Variants in HSPA12A observed in about 807,000 individuals in gnomAD.
The protein encoded by HSPA12A is heat shock 70 kDa protein 12A.
In HSPA12A, 28 loss-of-function variants were observed where a neutral mutation model predicts 69.2. The ratio of observed to expected loss-of-function variants is 0.40; its 90% CI spans 0.30 to 0.55. The LOEUF (loss-of-function observed/expected upper bound fraction) is 0.55, where lower values mean the gene tolerates loss of function less well. HSPA12A is among the 20% of genes least tolerant of loss of function. The pLI is 0.38. For synonymous variants in HSPA12A, 345 were observed against 370.5 expected, an observed-to-expected ratio of 0.93 and a Z score of 0.79; for missense variants, 686 against 900.7, an observed-to-expected ratio of 0.76 and a Z score of 3.05.
chr10:116,677,590 A>T (rs547006462), intron 10 of HSPA12A, among the ~76,000 whole-genome samples: 4 of 152,334 alleles, frequency 2.6e-5, no homozygotes, highest in Admixed American at 2.0e-4. Context: ...CAGCCCAGTA[A>T]GAGGGTCCAG....
upstream of HSPA12A, among the ~76,000 whole-genome samples, chr10:116,747,443 T>C (rs1564806976): frequency 6.6e-6 from 1 of 152,322 alleles, no homozygotes; most frequent in East Asian, 1.9e-4. Context: ...GCCGGTTCAT[T>C]AATAAGACGG....
Position 116,817,643 on chromosome 10 carries a change from G to A in HSPA12A, c.91+17292C>T, listed in dbSNP as rs79354233. Among the ~76,000 whole-genome samples, 1,503 of 152,212 alleles carry A rather than the reference G, an allele frequency of 9.9e-3. 21 individuals are homozygous for A. Among genetic ancestry groups the A allele is most frequent in the African/African-American group, 0.034 (1,396 of 41,520 alleles). On this transcript the variant is annotated intron_variant, in intron 2 of 12. Transcript: ENST00000635765. ...GGCTGCCAATAGAATGAAGAGAAGT[G>A]GAGAATCGCGGCCATTGTTAAAATA...
chr10:116,822,758 C>T (rs973905936), intron 2 of HSPA12A, among the ~76,000 whole-genome samples: 1 of 152,192 alleles, frequency 6.6e-6, no homozygotes, highest in Non-Finnish European at 1.5e-5. Flanking sequence ...ATGTTTATTG[C>T]ATTCGTGGAT....
intron 1 of HSPA12A, among the ~76,000 whole-genome samples, chr10:116,708,793 T>C (rs1850337126): frequency 6.6e-6 from 1 of 152,150 alleles, no homozygotes; most frequent in Admixed American, 6.5e-5. Context: ...TGAAAAGATG[T>C]TCAACATCAT....
Position 116,675,124 on chromosome 10 carries a change from C to T in HSPA12A, c.1685G>A (p.Arg562Gln), listed in dbSNP as rs782432616. 5.6e-6 allele frequency: 9 copies of T among 1,613,882 alleles called. No homozygotes were observed. The highest frequency in any genetic ancestry group is 2.7e-5 in the African/African-American group (2 of 74,928). Residue 562 changes from arginine to glutamine, a missense_variant, in exon 12 of 12, where the codon CGG (arginine) becomes CAG (glutamine). By Grantham distance (43) the Arg-to-Gln change is conservative (BLOSUM62 1). Coordinates refer to ENST00000369209, the MANE Select transcript of HSPA12A (RefSeq NM_025015.3). This position sits in a 1 kb window ranked among gnomAD's most constrained non-coding sequence, Gnocchi z 5.2. ...PEKLLVKDGTRWCTDVFDKFI... is the reference protein window; with the variant it reads ...PEKLLVKDGTQWCTDVFDKFI... ...CTTGTCAAAGACGTCGGTGCACCAC[C>T]GAGTGCCATCCTTCACCAGCAGCTT...
At chr10:116,766,062 C>T (rs1232422710) in intron 2 of HSPA12A, among the ~76,000 whole-genome samples, 1 of 152,228 alleles carries the variant, frequency 6.6e-6, no homozygotes, top group Non-Finnish European at 1.5e-5. Flanking sequence ...CACCATTCGG[C>T]CACATTCACC....
intron 6 of HSPA12A, among the ~76,000 whole-genome samples, chr10:116,688,780 A>G (rs1849651056): frequency 6.6e-6 from 1 of 152,192 alleles, no homozygotes; most frequent in South Asian, 2.1e-4. Flanking sequence ...TTTATTTAAC[A>G]CGTTTCCGGA....
chr10:116,845,217 T>C (rs1845860219), intron 1 of HSPA12A, among the ~76,000 whole-genome samples: 1 of 152,172 alleles, frequency 6.6e-6, no homozygotes, highest in Admixed American at 6.5e-5. Context: ...AAAATATAAA[T>C]GCCTCTAGAA....
At position 116,700,998 on chromosome 10, in the gene HSPA12A, T is replaced by C. The variant is rs1554881559; in HGVS notation, c.386A>G (p.Glu129Gly). ...RDFYHDLDPN[E>G]AKQWLYLEKF... ...CTCCAGGTACAGCCACTGCTTGGCC[T>C]CATTGGGATCCAGGTCATGGTAAAA... The change falls in exon 4 of 12, where the codon GAG becomes GGG. Residue 129 changes from glutamate to glycine, a missense_variant. Physicochemically the swap from Glu to Gly is moderately conservative, Grantham distance 98 (BLOSUM62 -2). Coordinates refer to ENST00000369209, the MANE Select transcript of HSPA12A (RefSeq NM_025015.3). 1 of 1,613,998 alleles carries C rather than the reference T, an allele frequency of 6.2e-7. No homozygotes were observed. The highest frequency in any genetic ancestry group is 8.5e-7 in the Non-Finnish European group (1 of 1,180,022).
chr10:116,807,540 G>A (rs1466041556), intron 2 of HSPA12A, among the ~76,000 whole-genome samples: 2 of 152,148 alleles, frequency 1.3e-5, no homozygotes, highest in Non-Finnish European at 2.9e-5. Flanking sequence ...ATGTAGCAAT[G>A]CTTCTATCTT....
At chr10:116,729,761 AT>A (rs1324891159) in intron 1 of HSPA12A, among the ~76,000 whole-genome samples, 1 of 152,236 alleles carries the variant, frequency 6.6e-6, no homozygotes, top group Admixed American at 6.5e-5. Flanking sequence ...GGCCAACTGT[AT>A]CTACATTTGT....
chr10:116,799,630 A>C (rs530983303), intron 2 of HSPA12A, among the ~76,000 whole-genome samples: 1 of 152,328 alleles, frequency 6.6e-6, no homozygotes, highest in East Asian at 1.9e-4. Flanking sequence ...AGCTTTTGGA[A>C]ATCTCAAAGC....
At chr10:116,707,818 T>G (rs1850305832) in intron 1 of HSPA12A, among the ~76,000 whole-genome samples, 1 of 152,112 alleles carries the variant, frequency 6.6e-6, no homozygotes, top group Admixed American at 6.5e-5. Flanking sequence ...GCCTAGCAGA[T>G]GCACCAGCTC....
chr10:116,779,826 C>T (rs1184142988), intron 2 of HSPA12A, among the ~76,000 whole-genome samples: 11 of 152,010 alleles, frequency 7.2e-5, no homozygotes, highest in African/African-American at 1.2e-4. Flanking sequence ...GCAGGGGGGA[C>T]GGGATTCCTA....
chr10:116,835,545 A>G (rs1215926699), intron 1 of HSPA12A, among the ~76,000 whole-genome samples: 1 of 152,114 alleles, frequency 6.6e-6, no homozygotes, highest in Non-Finnish European at 1.5e-5. Context: ...AGGGCTGTAG[A>G]TATTACAAAG....
chr10:116,725,208 G>C lies in HSPA12A; in HGVS notation c.40+17222C>G, dbSNP rs551658904. Among the ~76,000 whole-genome samples the C allele has an allele frequency of 1.1e-4, 16 of 152,282 alleles. No homozygotes were observed. The East Asian group carries it at 3.1e-3, about 29-fold the overall frequency. ...AGGGCCCAGGAGCTCCACTTGATGG[G>C]AATTGCTTCTGGCTTCAACACTTAA... On this transcript the variant is annotated intron_variant, in intron 1 of 11. Coordinates refer to ENST00000369209, the MANE Select transcript of HSPA12A (RefSeq NM_025015.3).
intron 1 of HSPA12A, among the ~76,000 whole-genome samples, chr10:116,838,347 G>A (rs1845752077): frequency 6.6e-6 from 1 of 152,220 alleles, no homozygotes; most frequent in African/African-American, 2.4e-5. Flanking sequence ...TGGTCCTCAG[G>A]CTGAGTGTCC....
chr10:116,792,163 C>G (rs1046559582), intron 2 of HSPA12A, among the ~76,000 whole-genome samples: 1 of 148,604 alleles, frequency 6.7e-6, no homozygotes, highest in Non-Finnish European at 1.5e-5. Context: ...TGGGAAGCCA[C>G]GTACATGCAT....
rs1554876596 is a variant in HSPA12A at position 116,671,387 on chromosome 10, C to CAA, written c.*3392_*3393dup. On this transcript the variant is annotated 3_prime_UTR_variant, in exon 12 of 12. Coordinates refer to ENST00000369209, the MANE Select transcript of HSPA12A (RefSeq NM_025015.3). ...ATGAGAGGTGTGGCATTATGGCCAA[C>CAA]AACTTTTATATTAGCCATCCACTCA... 6.6e-6 allele frequency: 1 copy of CAA among 152,174 alleles called. No individual in the cohort carries two copies. The highest frequency in any genetic ancestry group is 1.5e-5 in the Non-Finnish European group (1 of 68,040). The allele number at this position is 152,174 out of a possible 1,614,324, so 9.4% of individuals were successfully genotyped here.
Sources: gnomAD v4.1 joint callset for allele counts (sites outside exome capture counted in the v4.1 genomes callset) on GRCh38, gnomAD v4.1.1 for gene constraint, Gnocchi (gnomAD v3.1) non-coding constraint, MANE v1.5 for transcripts, NCBI Gene and HGNC (gene_info 2026-07-23, HGNC 2026-07-21) for gene names.